Variants in ZNF267 observed in about 807,000 individuals in gnomAD.
ZNF267 encodes zinc finger protein 267.
In ZNF267, 61 loss-of-function variants were observed where a neutral mutation model predicts 71.6. The observed-to-expected ratio is 0.85, with a 90% CI of 0.69 to 1.05. The LOEUF (loss-of-function observed/expected upper bound fraction) is 1.05, where lower values mean the gene tolerates loss of function less well. Ranked by LOEUF, ZNF267 falls within the 50% of genes least tolerant of loss-of-function variation. ZNF267 has a pLI of 0.00. For missense variants in ZNF267, 852 were observed against 870.0 expected (o/e 0.98, Z 0.26); for synonymous variants, 288 against 293.2 (o/e 0.98, Z 0.18).
intron 3 of ZNF267, chr16:31,890,057 C>T (rs2083949715): frequency 6.6e-6 from 1 of 152,116 alleles, no homozygotes; most frequent in Non-Finnish European, 1.5e-5. Flanking sequence ...TATGATCTAT[C>T]CTGGAGAATA....
chr16:31,891,099 A>G (rs978244698), intron 3 of ZNF267, among the ~76,000 whole-genome samples: 3 of 151,672 alleles, frequency 2.0e-5, no homozygotes, highest in African/African-American at 4.8e-5. Context: ...CCATTTGTGT[A>G]TCTACTACAG....
chr16:31,880,305 A>T (rs2083880973), intron 1 of ZNF267, among the ~76,000 whole-genome samples: 1 of 152,176 alleles, frequency 6.6e-6, no homozygotes, highest in African/African-American at 2.4e-5. Flanking sequence ...TCGTGGCAGA[A>T]TCTGTAAGTG....
At chr16:31,894,700 C>T in intron 3 of ZNF267, 1 of 479,042 alleles carries the variant, frequency 2.1e-6, no homozygotes, top group Non-Finnish European at 4.2e-6. Context: ...CCGCTCATGC[C>T]TGGAGACAGG....
chr16:31,874,670 G>A (rs995159812), intron 1 of ZNF267, among the ~76,000 whole-genome samples: 4 of 152,102 alleles, frequency 2.6e-5, no homozygotes, highest in African/African-American at 2.4e-5. Flanking sequence ...TAGAAACCTG[G>A]GGCACTATAA....
chr16:31,884,053 A>G (rs1176120488), intron 1 of ZNF267, among the ~76,000 whole-genome samples: 6 of 152,204 alleles, frequency 3.9e-5, no homozygotes, highest in Non-Finnish European at 8.8e-5. Context: ...TTAAAAATTA[A>G]AAAATATGGA....
chr16:31,911,634 A>C, intron 3 of ZNF267, among the ~76,000 whole-genome samples: 1 of 151,214 alleles, frequency 6.6e-6, no homozygotes, highest in East Asian at 1.9e-4. Context: ...TATGTCATCT[A>C]ATTGGAGTGT....
chr16:31,885,070 A>G, intron 2 of ZNF267, 91 bp from the exon 3 acceptor site: 1 of 1,002,082 alleles, frequency 1.0e-6, no homozygotes, highest in Non-Finnish European at 1.4e-6. Context: ...GTTAGAAATT[A>G]ATCCTGTCCT....
chr16:31,914,848 T>G lies in ZNF267; in HGVS notation c.599T>G (p.Val200Gly). The G allele has an allele frequency of 9.3e-6, 15 of 1,611,104 alleles. No homozygotes were observed. The highest frequency in any genetic ancestry group is 1.3e-5 in the Non-Finnish European group (15 of 1,179,198). ...YDKTSVLFRQ[V>G]STLNSYRNVF... ...AAAACTTCAGTGTTATTTAGGCAGG[T>G]CTCTACTCTAAATAGTTACCGAAAT... Residue 200 changes from valine (V) to glycine (G), a missense_variant, in exon 4 of 4, where the codon GTC becomes GGC. Transcript: ENST00000300870.
At chr16:31,880,941 G>A (rs2083885581) in intron 1 of ZNF267, among the ~76,000 whole-genome samples, 2 of 152,170 alleles carry the variant, frequency 1.3e-5, no homozygotes, top group African/African-American at 4.8e-5. Context: ...TCAACATCAT[G>A]TGGTCAGGAG....
chr16:31,874,018 G>A (rs564275111), intron 1 of ZNF267, 49 bp downstream of exon 1: 17 of 1,595,228 alleles, frequency 1.1e-5, no homozygotes, highest in Admixed American at 1.7e-5. Context: ...GGCGGTGGTC[G>A]GAAGCGGCGG....
intron 3 of ZNF267, among the ~76,000 whole-genome samples, chr16:31,888,827 A>G (rs538115428): frequency 1.3e-5 from 2 of 152,168 alleles, no homozygotes; most frequent in South Asian, 4.1e-4. Context: ...GTCTCATAAA[A>G]TGAGTTTGAA....
intron 3 of ZNF267, among the ~76,000 whole-genome samples, chr16:31,908,691 A>G (rs1448935600): frequency 6.6e-6 from 1 of 151,880 alleles, no homozygotes; most frequent in Non-Finnish European, 1.5e-5. Context: ...TCTCTAGTGT[A>G]TGTTCTTAAC....
intron 3 of ZNF267, among the ~76,000 whole-genome samples, chr16:31,910,967 TATTG>T (rs981175953): frequency 3.3e-5 from 5 of 151,658 alleles, no homozygotes; most frequent in African/African-American, 1.2e-4. Context: ...TTGAGGAGCG[TATTG>T]TTTAATTTAC....
At position 31,882,565 on chromosome 16, in the gene ZNF267, C is replaced by A. The variant is rs138759654; in HGVS notation, c.4-1933C>A. 8.8e-3 allele frequency among the ~76,000 whole-genome samples: 1,332 copies of A among 152,224 alleles called. 12 individuals carry two copies. The highest frequency in any genetic ancestry group is 0.014 in the Non-Finnish European group (974 of 68,024). On this transcript the variant is annotated intron_variant, in intron 1 of 3. Transcript: ENST00000300870. ...CCCAGAATACCAAATGATATGTATG[C>A]GTATTGAACCTTGAGAGGCAATGCT...
chr16:31,895,338 C>T (rs975295003), intron 3 of ZNF267, among the ~76,000 whole-genome samples: 11 of 152,152 alleles, frequency 7.2e-5, no homozygotes, highest in African/African-American at 1.7e-4. Flanking sequence ...ATAGTATGTA[C>T]GTACAGCACA....
intron 3 of ZNF267, among the ~76,000 whole-genome samples, chr16:31,900,862 C>A (rs1162841667): frequency 6.8e-5 from 10 of 148,050 alleles, no homozygotes; most frequent in Non-Finnish European, 7.4e-5. Flanking sequence ...AGATTTGTTA[C>A]ATTTGTATAC....
chr16:31,909,544 T>G (rs1367563550), intron 3 of ZNF267, among the ~76,000 whole-genome samples: 1 of 152,238 alleles, frequency 6.6e-6, no homozygotes, highest in Non-Finnish European at 1.5e-5. Context: ...CTACTGTAAA[T>G]GGAATTACTT....
intron 1 of ZNF267, 100 bp from the exon 2 acceptor site, chr16:31,884,398 A>T (rs1251843413): frequency 7.0e-7 from 1 of 1,436,954 alleles, no homozygotes; most frequent in Non-Finnish European, 9.6e-7. Flanking sequence ...AATTCAGGTC[A>T]CTCATATATG....
chr16:31,882,680 GT>G (rs1437809279), intron 1 of ZNF267, among the ~76,000 whole-genome samples: 15 of 152,084 alleles, frequency 9.9e-5, no homozygotes, highest in African/African-American at 3.6e-4. Flanking sequence ...CCCACAGATT[GT>G]TTTTTTATGA....
Sources: gnomAD v4.1 joint callset for allele counts (sites outside exome capture counted in the v4.1 genomes callset) on GRCh38, gnomAD v4.1.1 for gene constraint, MANE v1.5 for transcripts, NCBI Gene and HGNC (gene_info 2026-07-23, HGNC 2026-07-21) for gene names.